CPT1A: variants seen among roughly 807,000 people sequenced by gnomAD.
CPT1A encodes carnitine palmitoyltransferase 1A.
Under a neutral mutation model 100.8 loss-of-function variants are expected in CPT1A, and 64 were observed. The ratio of observed to expected loss-of-function variants is 0.63; its 90% CI spans 0.52 to 0.78. CPT1A has a LOEUF of 0.78. Ranked by LOEUF, CPT1A falls within the 30% of genes least tolerant of loss-of-function variation. CPT1A has a pLI of 0.00. For synonymous variants in CPT1A, 363 were observed against 396.0 expected (o/e 0.92, Z 0.99); for missense variants, 802 against 1,034.1 (o/e 0.78, Z 3.08).
chr11:68,833,484 T>C (rs1224723522), intron 1 of CPT1A, among the ~76,000 whole-genome samples: 1 of 152,230 alleles, frequency 6.6e-6, no homozygotes, highest in African/African-American at 2.4e-5. Flanking sequence ...TGGCTGGGCG[T>C]GTTGGCTCAC....
At chr11:68,842,041 G>A (rs1222603047), upstream of CPT1A, 32 of 860,936 alleles carry the variant, frequency 3.7e-5, no homozygotes, top group East Asian at 1.2e-4. Flanking sequence ...TGAGGCTCGA[G>A]CGGGTGCTCG....
intron 10 of CPT1A, among the ~76,000 whole-genome samples, chr11:68,782,933 C>T (rs991440779): frequency 4.6e-5 from 7 of 152,176 alleles, no homozygotes; most frequent in Non-Finnish European, 8.8e-5. Context: ...GGGACCGAGG[C>T]GCCTACAGAC....
chr11:68,777,290 C>T (rs1475892021), intron 12 of CPT1A, among the ~76,000 whole-genome samples: 3 of 151,724 alleles, frequency 2.0e-5, no homozygotes, highest in South Asian at 2.1e-4. Context: ...ATCAGCTGGG[C>T]GTGGTGGCGC....
chr11:68,827,002 G>A (rs915193882), intron 1 of CPT1A, among the ~76,000 whole-genome samples: 1 of 152,088 alleles, frequency 6.6e-6, no homozygotes, highest in South Asian at 2.1e-4. Context: ...TGCTTAGGGA[G>A]GAGGAGTGGG....
In CPT1A at chr11:68,776,076, C is replaced by T. The variant is rs145942321; in HGVS notation, c.1459-644G>A. Reference sequence around the variant, plus strand: ...AATGAATTCCAGGTATGTGTTACAACGTACTGAACCTTGAAAACATTATGC... The same window carrying T: ...AATGAATTCCAGGTATGTGTTACAATGTACTGAACCTTGAAAACATTATGC... On this transcript the variant is annotated intron_variant, in intron 12 of 18. Coordinates refer to ENST00000265641, the MANE Select transcript of CPT1A (RefSeq NM_001876.4). Among the ~76,000 whole-genome samples the T allele has an allele frequency of 1.8e-4, 27 of 152,314 alleles. No individual in the cohort carries two copies. In the East Asian group the frequency reaches 4.1e-3, roughly 23 times the overall value.
chr11:68,794,776 A>AT, intron 8 of CPT1A, 28 bp downstream of exon 8: 1 of 1,555,580 alleles, frequency 6.4e-7, no homozygotes, highest in Non-Finnish European at 8.9e-7. Context: ...TTTGAAAATA[A>AT]TTTTTTTAAA....
At chr11:68,775,497 A>C in intron 12 of CPT1A, 65 bp from the exon 13 acceptor site, 1 of 1,227,706 alleles carries the variant, frequency 8.1e-7, no homozygotes, top group Non-Finnish European at 1.2e-6. Flanking sequence ...AACCTCCAAC[A>C]TGAAGAGAGG....
Position 68,836,313 on chromosome 11 carries a change from A to G in CPT1A, c.-14+5462T>C, listed in dbSNP as rs567499463. On this transcript the variant is annotated intron_variant, in intron 1 of 18. Coordinates refer to ENST00000265641, the MANE Select transcript of CPT1A (RefSeq NM_001876.4). ...CAACATAGTGAGGCCTGTCTCTACAAAAAAATATAAAAAATTAGCTAGGTG... is the reference window on the plus strand; with the variant it reads ...CAACATAGTGAGGCCTGTCTCTACAGAAAAATATAAAAAATTAGCTAGGTG... Among the ~76,000 whole-genome samples, 21 of 152,138 alleles carry G rather than the reference A, an allele frequency of 1.4e-4. No homozygotes were observed. The South Asian group carries it at 4.1e-3, about 30-fold the overall frequency.
At chr11:68,831,721 C>A (rs1191709239) in intron 1 of CPT1A, among the ~76,000 whole-genome samples, 1 of 151,442 alleles carries the variant, frequency 6.6e-6, no homozygotes, top group African/African-American at 2.4e-5. Flanking sequence ...GCAACCTCTG[C>A]CTCCTGGGTT....
intron 1 of CPT1A, among the ~76,000 whole-genome samples, chr11:68,830,933 T>C (rs1393032734): frequency 6.6e-6 from 1 of 152,198 alleles, no homozygotes; most frequent in Non-Finnish European, 1.5e-5. Context: ...AATCCTTGTG[T>C]CATCCGAATT....
At chr11:68,814,723 G>A (rs1320502416) in intron 2 of CPT1A, among the ~76,000 whole-genome samples, 1 of 150,034 alleles carries the variant, frequency 6.7e-6, no homozygotes, top group African/African-American at 2.5e-5. Flanking sequence ...GTCTCGCTCT[G>A]TTGCCCAGGC....
intron 4 of CPT1A, among the ~76,000 whole-genome samples, chr11:68,804,539 G>C (rs1280378978): frequency 2.0e-5 from 3 of 151,784 alleles, no homozygotes; most frequent in Admixed American, 2.0e-4. Context: ...AGTGAGCCAT[G>C]ATCATACCAC....
Position 68,780,626 on chromosome 11 carries a change from G to C in CPT1A, c.1458+14C>G, listed in dbSNP as rs1855281809. 1 of 1,609,934 alleles carries C rather than the reference G, an allele frequency of 6.2e-7. No homozygotes were observed. Among genetic ancestry groups the C allele is most frequent in the Non-Finnish European group, 8.5e-7 (1 of 1,176,222 alleles). ...AGCAACTTCCACATTCAAGTGAAAA[G>C]TGTGAAAACTCACCTCCCAAAGGTG... On this transcript the variant is annotated intron_variant, in intron 12 of 18. Transcript: ENST00000265641.
chr11:68,758,259 C>G (rs962357438), intron 18 of CPT1A, among the ~76,000 whole-genome samples: 2 of 106,974 alleles, frequency 1.9e-5, no homozygotes, highest in Admixed American at 9.9e-5. Flanking sequence ...CAGAGTGAGA[C>G]CCTGTCTAAA....
rs1325005617 is a variant in CPT1A, at chr11:68,799,371, GA to G, written c.556-17del. 2.0e-6 allele frequency: 3 copies of G among 1,531,458 alleles called. No homozygotes were observed. In the African/African-American group the frequency reaches 4.1e-5, roughly 21 times the overall value. 94.9% of individuals were successfully genotyped at this position (1,531,458 alleles called of 1,614,324 possible). A position where few individuals can be genotyped will look rare whatever the true frequency, so the allele number is the denominator to read the frequency against. The stretch of plus-strand genomic sequence containing the variant: ...ACTGTAGATACTGGGATTATTGGGG[GA>G]AAAAAAAATCACCCAAGTTAAAACA... On this transcript the variant is annotated splice_polypyrimidine_tract_variant and intron_variant, in intron 5 of 18. Transcript: ENST00000265641.
intron 13 of CPT1A, among the ~76,000 whole-genome samples, chr11:68,774,629 G>A (rs761200727): frequency 2.0e-5 from 3 of 151,336 alleles, no homozygotes; most frequent in African/African-American, 7.3e-5. Flanking sequence ...TTTTAGTAGA[G>A]ACGGGGTTTC....
rs148182593 is a variant in CPT1A, at chr11:68,815,771, C to T, written c.-13-284G>A. On this transcript the variant is annotated intron_variant, in intron 1 of 18. Coordinates refer to ENST00000265641, the MANE Select transcript of CPT1A (RefSeq NM_001876.4). ...CCCTGGACATTCCCTGGAACCACGC[C>T]TCCAAGCCAGCATCCAGGCCCGTGG... Among the ~76,000 whole-genome samples the T allele has an allele frequency of 8.9e-4, 134 of 150,338 alleles. 1 individual carries two copies. Among genetic ancestry groups the T allele is most frequent in the East Asian group, 7.1e-3 (36 of 5,076 alleles).
upstream of CPT1A, chr11:68,841,967 G>T (rs1163433694): frequency 3.0e-6 from 3 of 985,194 alleles, 1 homozygote; most frequent in South Asian, 1.4e-4. This position sits in a 1 kb window ranked among gnomAD's most constrained non-coding sequence, Gnocchi z 6.3. Context: ...CTCCCGGCGC[G>T]CGGAGGGCGG....
At chr11:68,759,758 T>C (rs915484123) in intron 17 of CPT1A, 97 bp from the exon 18 acceptor site, 2 of 910,184 alleles carry the variant, frequency 2.2e-6, no homozygotes, top group Admixed American at 1.9e-5. Flanking sequence ...CGGGGCTCGG[T>C]GGCTTCTCCT....
Sources: allele counts gnomAD v4.1 joint callset (sites outside exome capture counted in the v4.1 genomes callset), GRCh38; gene constraint gnomAD v4.1.1; non-coding constraint Gnocchi (gnomAD v3.1); transcripts MANE v1.5; gene names NCBI Gene and HGNC (gene_info 2026-07-23, HGNC 2026-07-21).